The following WASF1 variants were observed in gnomAD, a reference collection of about 807,000 sequenced individuals.
WASF1 encodes the protein WASP family member 1, also known as actin-binding protein WASF1.
In WASF1, 7 loss-of-function variants were observed where a neutral mutation model predicts 50.5. The observed-to-expected ratio is 0.14, with a 90% CI of 0.08 to 0.26. WASF1 has a LOEUF of 0.26. Among genes scored for constraint, WASF1 ranks in the 10% least tolerant of loss-of-function variants. WASF1 has a pLI of 1.00. For missense variants in WASF1, 470 were observed against 694.7 expected (o/e 0.68, Z 3.64); for synonymous variants, 205 against 244.0 (o/e 0.84, Z 1.49).
intron 5 of WASF1, among the ~76,000 whole-genome samples, chr6:110,110,132 A>G (rs1442495959): frequency 1.3e-5 from 2 of 152,250 alleles, no homozygotes; most frequent in Non-Finnish European, 2.9e-5. Flanking sequence ...AGTACATACT[A>G]TATGTGCTAG....
intron 3 of WASF1, among the ~76,000 whole-genome samples, chr6:110,154,929 G>T (rs936183079): frequency 6.6e-6 from 1 of 152,020 alleles, no homozygotes; most frequent in Non-Finnish European, 1.5e-5. Context: ...AAAAACTTCT[G>T]CTAAGAACAT....
At chr6:110,119,009 C>T (rs1773952320) in intron 4 of WASF1, among the ~76,000 whole-genome samples, 1 of 152,116 alleles carries the variant, frequency 6.6e-6, no homozygotes, top group African/African-American at 2.4e-5. Context: ...AACAAAGACA[C>T]AAAGTACCAG....
chr6:110,163,110 T>C (rs1255878429), intron 2 of WASF1, among the ~76,000 whole-genome samples: 2 of 151,562 alleles, frequency 1.3e-5, no homozygotes, highest in African/African-American at 2.4e-5. Context: ...TATCTGAAAT[T>C]AAAAACATAA....
intron 3 of WASF1, among the ~76,000 whole-genome samples, chr6:110,129,673 A>G (rs1285728177): frequency 6.6e-6 from 1 of 152,204 alleles, no homozygotes; most frequent in Non-Finnish European, 1.5e-5. Context: ...TCACTTTGCT[A>G]GCTCTGCTAT....
rs1227414973 is a variant in WASF1, at chr6:110,179,359, C to G, written c.-272+80G>C. ...CTTTGCGGGCCACACACCACTCGGT[C>G]TGCTCCGGCCAGTAAGGAAGAGTTC... On this transcript the variant is annotated intron_variant, in intron 1 of 10. Transcript: ENST00000392589. 3 of 152,060 alleles carry G rather than the reference C, an allele frequency of 2.0e-5. No homozygotes were observed. In the South Asian group the frequency reaches 6.2e-4, roughly 31 times the overall value. The allele number at this position is 152,060 out of a possible 1,614,324, so 9.4% of individuals were successfully genotyped here.
chr6:110,167,300 A>AT (rs961511060), intron 2 of WASF1, among the ~76,000 whole-genome samples: 177 of 149,562 alleles, frequency 1.2e-3, no homozygotes, highest in Middle Eastern at 3.4e-3. Flanking sequence ...CCTTCTACTT[A>AT]TTTTTTTTTT....
intron 3 of WASF1, among the ~76,000 whole-genome samples, chr6:110,138,624 C>A (rs1775075902): frequency 6.6e-6 from 1 of 152,166 alleles, no homozygotes; most frequent in Non-Finnish European, 1.5e-5. Flanking sequence ...AGAGAAGAGA[C>A]CAGGAGTGGG....
intron 2 of WASF1, among the ~76,000 whole-genome samples, chr6:110,174,846 C>A (rs1348865127): frequency 6.6e-6 from 1 of 152,132 alleles, no homozygotes; most frequent in South Asian, 2.1e-4. Flanking sequence ...TCCCTCACAG[C>A]ACCCTGATCT....
At chr6:110,134,422 C>G (rs1051671563) in intron 3 of WASF1, among the ~76,000 whole-genome samples, 1 of 144,930 alleles carries the variant, frequency 6.9e-6, no homozygotes, top group African/African-American at 2.5e-5. Context: ...TCTATGTGCC[C>G]TTTTTTTTTT....
At chr6:110,136,725 A>C (rs1774985625) in intron 3 of WASF1, among the ~76,000 whole-genome samples, 1 of 152,214 alleles carries the variant, frequency 6.6e-6, no homozygotes, top group Admixed American at 6.5e-5. Flanking sequence ...TCTTCACAGA[A>C]TACAGTTAGC....
chr6:110,127,461 A>G lies in WASF1; in HGVS notation c.133+8T>C, dbSNP rs765169500. On this transcript the variant is annotated splice_region_variant and intron_variant, in intron 4 of 10. Coordinates refer to ENST00000392589, the MANE Select transcript of WASF1 (RefSeq NM_003931.3). The stretch of plus-strand genomic sequence containing the variant: ...TTGTGAGTATATTTTTAATTGATAT[A>G]TACTTACTTAGGCTACTTAGTTGTC... The G allele has an allele frequency of 3.2e-6, 5 of 1,584,082 alleles. No homozygotes were observed. Among genetic ancestry groups the G allele is most frequent in the Non-Finnish European group, 4.3e-6 (5 of 1,166,810 alleles).
chr6:110,122,237 T>TC (rs1335757163), intron 4 of WASF1, among the ~76,000 whole-genome samples: 1 of 120,450 alleles, frequency 8.3e-6, no homozygotes, highest in East Asian at 2.3e-4. Flanking sequence ...AAAAATGGAA[T>TC]CCAAAAAAAA....
At position 110,100,625 on chromosome 6, in the gene WASF1, C is replaced by T. The variant is rs1337961466; in HGVS notation, c.1577G>A (p.Arg526His). 7 of 1,613,424 alleles carry T rather than the reference C, an allele frequency of 4.3e-6. No individual in the cohort carries two copies. The highest frequency in any genetic ancestry group is 2.2e-5 in the South Asian group (2 of 91,004). Reference protein sequence around the residue: ...EQREQEAKHERIENDVATILS... With the variant: ...EQREQEAKHEHIENDVATILS... ...GATGGTGGCAACATCGTTTTCAATG[C>T]GTTCATGCTTAGCTTCCTGTTCACG... Residue 526 changes from arginine to histidine, a missense_variant, in exon 11 of 11, where the codon CGC becomes CAC. This residue lies in a region of WASF1 where 36 missense variants were observed against 90.7 expected (regional missense o/e 0.40). Coordinates refer to ENST00000392589, the MANE Select transcript of WASF1 (RefSeq NM_003931.3).
At chr6:110,124,274 C>CTCTCTATATA (rs1331534646) in intron 4 of WASF1, among the ~76,000 whole-genome samples, 11 of 20,504 alleles carry the variant, frequency 5.4e-4, no homozygotes, top group African/African-American at 8.1e-4. Flanking sequence ...CTCTCTCTCT[C>CTCTCTATATA]TATATATATA....
intron 3 of WASF1, among the ~76,000 whole-genome samples, chr6:110,153,967 T>A (rs767918433): frequency 1.3e-5 from 2 of 152,160 alleles, no homozygotes; most frequent in Non-Finnish European, 2.9e-5. Context: ...TACCTAAGTT[T>A]GTTTTAAGTA....
Position 110,101,770 on chromosome 6 carries a change from G to C in WASF1, c.1340C>G (p.Ala447Gly). ...TAGCCCAGAGGGAGGATGAGCAAGA[G>C]CTGTAACTGTGACAGGTGATGATGG... is the stretch of plus-strand genomic sequence containing the variant. Reference protein sequence around the residue: ...IRPSSPVTVTALAHPPSGLHP... With the variant: ...IRPSSPVTVTGLAHPPSGLHP... Residue 447 changes from alanine (A) to glycine (G), a missense_variant, in exon 10 of 11, where the codon GCT (alanine) becomes GGT (glycine). By Grantham distance (60) the Ala-to-Gly change is moderately conservative. Around this residue, in one of 3 missense-constraint regions of WASF1, gnomAD observed 294 missense variants for 343.5 expected, o/e 0.86. Transcript: ENST00000392589. 2 of 1,614,160 alleles carry C rather than the reference G, an allele frequency of 1.2e-6. No homozygotes were observed. The highest frequency in any genetic ancestry group is 1.7e-6 in the Non-Finnish European group (2 of 1,180,028).
intron 1 of WASF1, among the ~76,000 whole-genome samples, chr6:110,179,105 G>A (rs1777080003): frequency 6.6e-6 from 1 of 152,224 alleles, no homozygotes; most frequent in African/African-American, 2.4e-5. Flanking sequence ...GGGGCGGACC[G>A]CGGGCGCGGG....
chr6:110,172,028 A>G (rs1204037225), intron 2 of WASF1, among the ~76,000 whole-genome samples: 1 of 152,200 alleles, frequency 6.6e-6, no homozygotes, highest in Non-Finnish European at 1.5e-5. Context: ...AAAAGTCAGG[A>G]AACAACAGAT....
Position 110,101,648 on chromosome 6 carries a change from G to C in WASF1, c.1462C>G (p.Pro488Ala), listed in dbSNP as rs772107281. Residue 488 changes from proline to alanine, a missense_variant, in exon 10 of 11, where the codon CCA (proline) becomes GCA (alanine). Coordinates refer to ENST00000392589, the MANE Select transcript of WASF1 (RefSeq NM_003931.3). ...VIPASEPKRH[P>A]STLPVISDAR... The stretch of plus-strand genomic sequence containing the variant: ...TCACTGATTACAGGTAGGGTTGATG[G>C]ATGGCGCTTTGGCTCAGAAGCAGGT... 1.9e-6 allele frequency: 3 copies of C among 1,614,088 alleles called. No homozygotes were observed. Among genetic ancestry groups the C allele is most frequent in the Non-Finnish European group, 2.5e-6 (3 of 1,179,958 alleles).
Sources: allele counts gnomAD v4.1 joint callset (sites outside exome capture counted in the v4.1 genomes callset), GRCh38; gene constraint gnomAD v4.1.1; regional missense constraint gnomAD v4.1.1; transcripts MANE v1.5; gene names NCBI Gene and HGNC (gene_info 2026-07-23, HGNC 2026-07-21).